The following TGDS variants were observed in gnomAD, a reference collection of about 807,000 sequenced individuals.
TGDS encodes the protein TDP-glucose 4,6-dehydratase.
A neutral mutation model predicts 52.3 loss-of-function variants in TGDS; 47 were observed. That is an observed-to-expected ratio of 0.90 (90% confidence interval 0.71 to 1.15). The LOEUF is 1.15. TGDS is among the 50% of genes most tolerant of loss of function. TGDS has a pLI of 0.00. For missense variants in TGDS, 375 were observed against 418.4 expected, an observed-to-expected ratio of 0.90 and a Z score of 0.90; for synonymous variants, 115 against 136.9, an observed-to-expected ratio of 0.84 and a Z score of 1.12.
chr13:94,594,604 A>G (rs1427275013), intron 1 of TGDS, among the ~76,000 whole-genome samples: 1 of 152,176 alleles, frequency 6.6e-6, no homozygotes. Context: ...GCCCTTGACC[A>G]AATTATGAAC....
intron 4 of TGDS, among the ~76,000 whole-genome samples, chr13:94,590,107 T>G (rs977333790): frequency 4.0e-5 from 6 of 150,220 alleles, no homozygotes; most frequent in Non-Finnish European, 7.4e-5. Context: ...TGTATCTATA[T>G]CCAACTCCAT....
chr13:94,591,788 A>C (rs1455336921), intron 3 of TGDS, among the ~76,000 whole-genome samples: 1 of 152,244 alleles, frequency 6.6e-6, no homozygotes, highest in Non-Finnish European at 1.5e-5. Context: ...TATATTCTTT[A>C]AGTTTTGTAG....
chr13:94,576,502 C>T, intron 10 of TGDS, 91 bp from the exon 11 acceptor site: 3 of 771,796 alleles, frequency 3.9e-6, no homozygotes, highest in Non-Finnish European at 3.7e-6. Context: ...ATTTTTACCA[C>T]AACCCAACTT....
intron 4 of TGDS, among the ~76,000 whole-genome samples, chr13:94,585,950 C>T (rs1888965986): frequency 1.3e-5 from 2 of 151,646 alleles, no homozygotes; most frequent in Admixed American, 1.3e-4. Context: ...GTAACCACTC[C>T]AAGAGTACAA....
At chr13:94,590,394 T>C (rs1316120642) in intron 4 of TGDS, among the ~76,000 whole-genome samples, 1 of 151,924 alleles carries the variant, frequency 6.6e-6, no homozygotes, top group Non-Finnish European at 1.5e-5. Flanking sequence ...TTCTGTCTTT[T>C]GTTCAGGTGA....
At chr13:94,582,085 C>T (rs1888814076) in intron 5 of TGDS, among the ~76,000 whole-genome samples, 1 of 151,932 alleles carries the variant, frequency 6.6e-6, no homozygotes, top group Non-Finnish European at 1.5e-5. Context: ...GCAATCCCAG[C>T]TACTCGGGAG....
intron 2 of TGDS, among the ~76,000 whole-genome samples, chr13:94,592,911 C>T (rs1377804575): frequency 3.3e-5 from 5 of 151,996 alleles, no homozygotes; most frequent in Non-Finnish European, 5.9e-5. Context: ...AATCCCAGCA[C>T]TTTGGGAGAC....
At position 94,578,370 on chromosome 13, in the gene TGDS, A is replaced by AAGTGGCAAACATATT. The variant is rs11269762; in HGVS notation, c.660-201_660-200insAATATGTTTGCCACT. 0.68 allele frequency among the ~76,000 whole-genome samples: 103,303 copies of AAGTGGCAAACATATT among 151,984 alleles called. 35,511 individuals are homozygous for AAGTGGCAAACATATT. Among genetic ancestry groups the AAGTGGCAAACATATT allele is most frequent in the African/African-American group, 0.77 (31,792 of 41,484 alleles). ...AACCTTCTGAGGGGACTCAGTAGGA[A>AAGTGGCAAACATATT]AGTGACCCCTGTGAAATGTGTATTC... On this transcript the variant is annotated intron_variant, in intron 8 of 11. Coordinates refer to ENST00000261296, the MANE Select transcript of TGDS (RefSeq NM_014305.4).
At chr13:94,586,254 A>G (rs570616255) in intron 4 of TGDS, among the ~76,000 whole-genome samples, 4 of 152,226 alleles carry the variant, frequency 2.6e-5, no homozygotes, top group Non-Finnish European at 5.9e-5. Context: ...ATCCAAATAC[A>G]TGTTGTTTAC....
chr13:94,590,789 T>C, intron 4 of TGDS, 64 bp downstream of exon 4: 3 of 1,265,774 alleles, frequency 2.4e-6, no homozygotes, highest in Non-Finnish European at 3.3e-6. Context: ...CAAATATAAG[T>C]ATTAGGGGGG....
chr13:94,590,602 G>A (rs898067471), intron 4 of TGDS, among the ~76,000 whole-genome samples: 3 of 151,960 alleles, frequency 2.0e-5, no homozygotes, highest in Non-Finnish European at 2.9e-5. Context: ...CCATCTCCCC[G>A]TTGCTCCCCT....
At chr13:94,582,073 C>G (rs914778809) in intron 5 of TGDS, among the ~76,000 whole-genome samples, 2 of 152,076 alleles carry the variant, frequency 1.3e-5, no homozygotes, top group Non-Finnish European at 2.9e-5. Context: ...TGGTGCATGC[C>G]TGCAATCCCA....
intron 9 of TGDS, 46 bp downstream of exon 9, chr13:94,577,959 C>T: frequency 6.3e-7 from 1 of 1,576,024 alleles, no homozygotes; most frequent in Non-Finnish European, 8.6e-7. Context: ...ATGGTCACTG[C>T]CACTAACAAT....
intron 4 of TGDS, among the ~76,000 whole-genome samples, chr13:94,587,549 A>G (rs1372065118): frequency 3.3e-5 from 5 of 152,258 alleles, no homozygotes; most frequent in Non-Finnish European, 7.3e-5. Context: ...CAAAACTGAC[A>G]ATGAGGAAAA....
chr13:94,589,085 G>GA (rs1260563001), intron 4 of TGDS, among the ~76,000 whole-genome samples: 1 of 152,060 alleles, frequency 6.6e-6, no homozygotes, highest in African/African-American at 2.4e-5. Flanking sequence ...TTTAAGAACT[G>GA]AAAAAGCATT....
intron 7 of TGDS, chr13:94,579,179 C>T (rs1350105973): frequency 6.5e-6 from 1 of 154,306 alleles, no homozygotes; most frequent in African/African-American, 2.4e-5. Flanking sequence ...TCAAAGAAAA[C>T]TTAAATTAAG....
intron 11 of TGDS, among the ~76,000 whole-genome samples, chr13:94,575,492 A>G (rs1218860566): frequency 1.3e-5 from 2 of 151,326 alleles, no homozygotes; most frequent in African/African-American, 4.9e-5. Context: ...GTCTCGCTAT[A>G]TTTCCCAGGC....
rs150388214 is a variant in TGDS at position 94,582,880 on chromosome 13, A to G, written c.456+214T>C. Among the ~76,000 whole-genome samples, 417 of 152,294 alleles carry G rather than the reference A, an allele frequency of 2.7e-3. 2 individuals are homozygous for G. Among genetic ancestry groups the G allele is most frequent in the African/African-American group, 9.6e-3 (398 of 41,558 alleles). ...TTGCTCCTCAGCTGGCAGATGGCCT[A>G]TTGTGAGACCTTGTGATCGTGTGAG... On this transcript the variant is annotated intron_variant, in intron 5 of 11. Coordinates refer to ENST00000261296, the MANE Select transcript of TGDS (RefSeq NM_014305.4).
At chr13:94,581,011 GA>G (rs941414429) in intron 6 of TGDS, 79 bp downstream of exon 6, 1,743 of 740,158 alleles carry the variant, frequency 2.4e-3, no homozygotes, top group South Asian at 4.1e-3. Flanking sequence ...TTGAAAAAAA[GA>G]AAAAAAAAAG....
Sources: gnomAD v4.1 joint callset for allele counts (sites outside exome capture counted in the v4.1 genomes callset) on GRCh38, gnomAD v4.1.1 for gene constraint, MANE v1.5 for transcripts, NCBI Gene and HGNC (gene_info 2026-07-23, HGNC 2026-07-21) for gene names.